The following AQP1 variants were observed in gnomAD, a reference collection of about 807,000 sequenced individuals.
AQP1 encodes aquaporin-1.
A neutral mutation model predicts 19.7 loss-of-function variants in AQP1; 11 were observed. The observed-to-expected ratio is 0.56, with a 90% CI of 0.35 to 0.92. The LOEUF is 0.92. AQP1 is among the 40% of genes least tolerant of loss of function. The probability of loss-of-function intolerance (pLI) is 0.01; values close to 1 mark genes in which losing one functional copy is unlikely to be tolerated. For synonymous variants in AQP1, 159 were observed against 166.7 expected, an observed-to-expected ratio of 0.95 and a Z score of 0.36; for missense variants, 320 against 369.7, an observed-to-expected ratio of 0.87 and a Z score of 1.10.
At chr7:30,921,196 C>A in intron 1 of AQP1, 1 of 942,128 alleles carries the variant, frequency 1.1e-6, no homozygotes, top group Non-Finnish European at 1.3e-6. Context: ...GTGGAAGGTG[C>A]TGGGGCTTCC....
chr7:30,921,766 G>C (rs1337774233), intron 1 of AQP1: 1 of 1,550,722 alleles, frequency 6.4e-7, no homozygotes, highest in Admixed American at 2.0e-5. Flanking sequence ...CCTGGATGCA[G>C]CTGGATGCAA....
chr7:30,914,752 A>G (rs1791268371), intron 1 of AQP1, among the ~76,000 whole-genome samples: 1 of 151,918 alleles, frequency 6.6e-6, no homozygotes, highest in Non-Finnish European at 1.5e-5. Context: ...GGGTGGGGCA[A>G]GTGGTTGGCA....
chr7:30,912,138 C>G lies in AQP1; in HGVS notation c.229C>G (p.Pro77Ala), dbSNP rs1310237961. The change falls in exon 1 of 4, where the codon CCG (proline) becomes GCG (alanine). Residue 77 changes from proline (P) to alanine (A), a missense_variant. Coordinates refer to ENST00000311813, the MANE Select transcript of AQP1 (RefSeq NM_198098.4). This position sits in a 1 kb window ranked among gnomAD's most constrained non-coding sequence, Gnocchi z 4.3. ...CCACATCAGCGGCGCCCACCTCAAC[C>G]CGGCTGTCACACTGGGGCTGCTGCT... ...VGHISGAHLN[P>A]AVTLGLLLSC... The G allele has an allele frequency of 6.2e-7, 1 of 1,613,170 alleles. No individual in the cohort carries two copies. Among genetic ancestry groups the G allele is most frequent in the Admixed American group, 1.7e-5 (1 of 60,032 alleles).
chr7:30,913,477 G>A (rs28362694), intron 1 of AQP1: 2,745 of 152,582 alleles, frequency 0.018, 30 homozygotes, highest in South Asian at 0.037. Flanking sequence ...TGAGGCTGGC[G>A]GGGCTGTGGG....
In AQP1 at chr7:30,923,473, C is replaced by T. The variant is rs375975852; in HGVS notation, c.654C>T (p.Ile218=). 87 of 1,613,842 alleles carry T rather than the reference C, an allele frequency of 5.4e-5. No homozygotes were observed. Among genetic ancestry groups the T allele is most frequent in the South Asian group, 1.2e-4 (11 of 91,074 alleles). ...NHWIFWVGPF[I]GGALAVLIYD... Reference sequence around the variant, plus strand: ...AGATTTTCTGGGTGGGGCCATTCATCGGGGGAGCCCTGGCTGTACTCATCT... The same window carrying T: ...AGATTTTCTGGGTGGGGCCATTCATTGGGGGAGCCCTGGCTGTACTCATCT... Residue 218 remains isoleucine (I), a synonymous_variant, in exon 4 of 4, where the codon ATC becomes ATT. Coordinates refer to ENST00000311813, the MANE Select transcript of AQP1 (RefSeq NM_198098.4). This position sits in a 1 kb window ranked among gnomAD's most constrained non-coding sequence, Gnocchi z 4.8.
chr7:30,921,616 G>T (rs1791501594), intron 1 of AQP1: 1 of 1,550,528 alleles, frequency 6.4e-7, no homozygotes, highest in African/African-American at 1.4e-5. Flanking sequence ...GAATGTTCTG[G>T]ACTTTTGGGT....
Position 30,923,460 on chromosome 7 carries a change from T to A in AQP1, c.641T>A (p.Val214Glu). Residue 214 changes from valine (V) to glutamate (E), a missense_variant, in exon 4 of 4, where the codon GTG (valine) becomes GAG (glutamate). Val to Glu is a moderately radical substitution (Grantham distance 121). Coordinates refer to ENST00000311813, the MANE Select transcript of AQP1 (RefSeq NM_198098.4). This position sits in a 1 kb window ranked among gnomAD's most constrained non-coding sequence, Gnocchi z 4.8. Reference protein sequence around the residue: ...HNFSNHWIFWVGPFIGGALAV... With the variant: ...HNFSNHWIFWEGPFIGGALAV... ...CTGCTCTGTTCCTAGATTTTCTGGG[T>A]GGGGCCATTCATCGGGGGAGCCCTG... 1 of 1,613,866 alleles carries A rather than the reference T, an allele frequency of 6.2e-7. No homozygotes were observed. The highest frequency in any genetic ancestry group is 2.2e-5 in the East Asian group (1 of 44,876).
intron 1 of AQP1, among the ~76,000 whole-genome samples, chr7:30,918,145 C>T (rs1460250299): frequency 6.6e-6 from 1 of 152,092 alleles, no homozygotes; most frequent in Non-Finnish European, 1.5e-5. Flanking sequence ...CAGGCCACCA[C>T]ACCCGGCTAA....
chr7:30,920,709 A>G (rs1791477691), intron 1 of AQP1, among the ~76,000 whole-genome samples: 1 of 152,202 alleles, frequency 6.6e-6, no homozygotes, highest in East Asian at 1.9e-4. Flanking sequence ...ACCTGAACAC[A>G]GGGCTTCTGC....
Position 30,912,240 on chromosome 7 carries a change from A to G in AQP1, c.331A>G (p.Ile111Val), listed in dbSNP as rs758373056. ...QCVGAIVATA[I>V]LSGITSSLTG... The stretch of plus-strand genomic sequence containing the variant: ...CGTGGGGGCCATCGTCGCCACCGCC[A>G]TCCTCTCAGGCATCACCTCCTCCCT... Residue 111 changes from isoleucine to valine, a missense_variant, in exon 1 of 4, where the codon ATC (isoleucine) becomes GTC (valine). Coordinates refer to ENST00000311813, the MANE Select transcript of AQP1 (RefSeq NM_198098.4). This position sits in a 1 kb window ranked among gnomAD's most constrained non-coding sequence, Gnocchi z 4.3. 3.7e-6 allele frequency: 6 copies of G among 1,608,122 alleles called. No individual in the cohort carries two copies.
At chr7:30,922,427 A>G (rs1791543566) in intron 2 of AQP1, 137 bp from the exon 3 acceptor site, 22 of 1,274,418 alleles carry the variant, frequency 1.7e-5, no homozygotes, top group Non-Finnish European at 2.5e-5. Context: ...GCTTGGGGTC[A>G]GCACTCCTCT....
Position 30,912,030 on chromosome 7 carries a change from A to G in AQP1, c.121A>G (p.Asn41Asp). 6.2e-7 allele frequency: 1 copy of G among 1,613,428 alleles called. No homozygotes were observed. Among genetic ancestry groups the G allele is most frequent in the Middle Eastern group, 1.6e-4 (1 of 6,062 alleles). Residue 41 changes from asparagine (N) to aspartate (D), a missense_variant, in exon 1 of 4, where the codon AAC becomes GAC. Physicochemically the swap from Asn to Asp is conservative, Grantham distance 23 (BLOSUM62 1). Coordinates refer to ENST00000311813, the MANE Select transcript of AQP1 (RefSeq NM_198098.4). The surrounding 1 kb of genome is among the most constrained non-coding windows in gnomAD (Gnocchi z 4.3). ...SALGFKYPVG[N>D]NQTAVQDNVK... is the part of the protein sequence containing the mutation. The stretch of plus-strand genomic sequence containing the variant: ...CCTGGGCTTCAAATACCCGGTGGGG[A>G]ACAACCAGACGGCGGTCCAGGACAA...
At chr7:30,921,448 A>G in intron 1 of AQP1, 1 of 1,448,400 alleles carries the variant, frequency 6.9e-7, no homozygotes, top group Non-Finnish European at 9.1e-7. Flanking sequence ...AATGGGAGAC[A>G]GGCCTTGGAC....
At chr7:30,918,458 A>C (rs978447886) in intron 1 of AQP1, among the ~76,000 whole-genome samples, 1 of 152,162 alleles carries the variant, frequency 6.6e-6, no homozygotes, top group Non-Finnish European at 1.5e-5. Flanking sequence ...GAATCCCCCC[A>C]TGTCCACGTG....
chr7:30,922,422 G>A, intron 2 of AQP1, 142 bp from the exon 3 acceptor site: 6 of 1,272,502 alleles, frequency 4.7e-6, no homozygotes, highest in Non-Finnish European at 5.7e-6. Context: ...GCCCAGCTTG[G>A]GGTCAGCACT....
rs779085645 is a variant in AQP1, at chr7:30,923,348, GA to G, written c.631-97del. On this transcript the variant is annotated intron_variant, in intron 3 of 3. Coordinates refer to ENST00000311813, the MANE Select transcript of AQP1 (RefSeq NM_198098.4). This position sits in a 1 kb window ranked among gnomAD's most constrained non-coding sequence, Gnocchi z 4.8. ...TCCTACCTGCCTCCATCCCAGGTGGGAAAAACCTGTCCAACGGGGTGGTGGG... is the reference window on the plus strand; with the variant it reads ...TCCTACCTGCCTCCATCCCAGGTGGGAAAACCTGTCCAACGGGGTGGTGGG... The G allele has an allele frequency of 1.3e-6, 2 of 1,583,216 alleles. No homozygotes were observed. The highest frequency in any genetic ancestry group is 8.6e-7 in the Non-Finnish European group (1 of 1,164,888).
intron 1 of AQP1, among the ~76,000 whole-genome samples, chr7:30,915,341 C>T (rs566090740): frequency 2.1e-3 from 314 of 150,188 alleles, no homozygotes; most frequent in African/African-American, 7.5e-3. Flanking sequence ...GAGGCAGATG[C>T]GATAAGAGGT....
At position 30,924,064 on chromosome 7, in the gene AQP1, C is replaced by T. The variant is rs113192043; in HGVS notation, c.*435C>T. The T allele has an allele frequency of 2.2e-4, 277 of 1,234,130 alleles. 1 individual carries two copies. In the Middle Eastern group the frequency reaches 2.3e-3, roughly 10 times the overall value. 76.4% of individuals were successfully genotyped at this position (1,234,130 alleles called of 1,614,324 possible). The stretch of plus-strand genomic sequence containing the variant: ...TTCTTTTCCTAACATGCACCTTGCT[C>T]CCAATGGTGCTTGGAGGGGGAAGAG... On this transcript the variant is annotated 3_prime_UTR_variant, in exon 4 of 4. Coordinates refer to ENST00000311813, the MANE Select transcript of AQP1 (RefSeq NM_198098.4).
rs370950952 is a variant in AQP1, at chr7:30,912,318, G to C, written c.384+25G>C. On this transcript the variant is annotated intron_variant, in intron 1 of 3. Coordinates refer to ENST00000311813, the MANE Select transcript of AQP1 (RefSeq NM_198098.4). This position sits in a 1 kb window ranked among gnomAD's most constrained non-coding sequence, Gnocchi z 4.3. ...CGTGAGTGGGGTGTCCCTGGGCTTGGGGGGGTTCTAGAATGATGCTGAAAG... is the reference window on the plus strand; with the variant it reads ...CGTGAGTGGGGTGTCCCTGGGCTTGCGGGGGTTCTAGAATGATGCTGAAAG... 7 of 1,595,430 alleles carry C rather than the reference G, an allele frequency of 4.4e-6. No individual in the cohort carries two copies. In the African/African-American group the frequency reaches 6.7e-5, roughly 15 times the overall value.
Sources: allele counts gnomAD v4.1 joint callset (sites outside exome capture counted in the v4.1 genomes callset), GRCh38; gene constraint gnomAD v4.1.1; non-coding constraint Gnocchi (gnomAD v3.1); transcripts MANE v1.5; gene names NCBI Gene and HGNC (gene_info 2026-07-23, HGNC 2026-07-21).